The following CCT2 variants were observed in gnomAD, a reference collection of about 807,000 sequenced individuals.
CCT2 encodes the protein T-complex protein 1 subunit beta.
CCT2 carries 18 observed loss-of-function variants against 61.8 expected under a neutral mutation model. The ratio of observed to expected loss-of-function variants is 0.29; its 90% CI spans 0.20 to 0.43. The LOEUF (loss-of-function observed/expected upper bound fraction) is 0.43, where lower values mean the gene tolerates loss of function less well. CCT2 is among the 20% of genes least tolerant of loss of function. CCT2 has a pLI of 1.00. For synonymous variants in CCT2, 248 were observed against 215.9 expected, an observed-to-expected ratio of 1.15 and a Z score of -1.30; for missense variants, 556 against 656.9, an observed-to-expected ratio of 0.85 and a Z score of 1.68.
intron 8 of CCT2, 176 bp from the exon 9 acceptor site, chr12:69,592,800 C>T (rs1246284210): frequency 4.3e-6 from 2 of 465,458 alleles, no homozygotes; most frequent in East Asian, 8.3e-5. Flanking sequence ...TGGTGGCGCA[C>T]ACCTGTAATC....
chr12:69,598,401 G>C lies in CCT2; in HGVS notation c.1415G>C (p.Gly472Ala). ...CAGCTCAGGGCTGCTCACAGTGAAG[G>C]CAATACCACTGCTGGATTGGGTAAG... The part of the protein sequence containing the change: ...VAQLRAAHSE[G>A]NTTAGLDMRE... The change falls in exon 14 of 16, where the codon GGC becomes GCC. Residue 472 changes from glycine to alanine, a missense_variant. Around this residue, in one of 3 missense-constraint regions of CCT2, gnomAD observed 225 missense variants for 249.8 expected, o/e 0.90. Coordinates refer to ENST00000299300, the MANE Select transcript of CCT2 (RefSeq NM_006431.3). The C allele has an allele frequency of 6.3e-7, 1 of 1,596,162 alleles. No homozygotes were observed. The highest frequency in any genetic ancestry group is 1.1e-5 in the South Asian group (1 of 87,410).
intron 7 of CCT2, among the ~76,000 whole-genome samples, chr12:69,590,420 T>G (rs1026966697): frequency 1.3e-5 from 2 of 152,114 alleles, no homozygotes; most frequent in Non-Finnish European, 2.9e-5. Context: ...TCTTAAAGAG[T>G]GATAAATGAG....
At position 69,585,560 on chromosome 12, in the gene CCT2, G is replaced by C. The variant is rs770481913; in HGVS notation, c.3+36G>C. ...CTCCCCTGCCTCTTGCCCTACCCCT[G>C]CTCCGCCGTGCTCTTGCCACCCCAC... On this transcript the variant is annotated intron_variant, in intron 1 of 15. Coordinates refer to ENST00000299300, the MANE Select transcript of CCT2 (RefSeq NM_006431.3). The C allele has an allele frequency of 5.1e-6, 8 of 1,564,334 alleles. No homozygotes were observed. The African/African-American group carries it at 9.5e-5, about 19-fold the overall frequency.
Position 69,597,988 on chromosome 12 carries a change from G to C in CCT2, c.1252G>C (p.Ala418Pro). 6.2e-7 allele frequency: 1 copy of C among 1,613,776 alleles called. No homozygotes were observed. Among genetic ancestry groups the C allele is most frequent in the African/African-American group, 1.3e-5 (1 of 75,034 alleles). ...YGGGCSEMLMAHAVTQLANRT... is the reference protein window; with the variant it reads ...YGGGCSEMLMPHAVTQLANRT... ...TTTAGGCTGTTCTGAGATGTTGATG[G>C]CTCATGCTGTGACACAGCTTGCCAA... The change falls in exon 13 of 16, where the codon GCT becomes CCT. Residue 418 changes from alanine to proline, a missense_variant. Transcript: ENST00000299300.
chr12:69,596,468 G>C (rs1215069159), intron 10 of CCT2, among the ~76,000 whole-genome samples: 1 of 152,164 alleles, frequency 6.6e-6, no homozygotes, highest in African/African-American at 2.4e-5. Context: ...TGGCTGACCT[G>C]TTCAGTTTAC....
At chr12:69,600,934 G>T (rs943719370) in intron 15 of CCT2, among the ~76,000 whole-genome samples, 3 of 152,190 alleles carry the variant, frequency 2.0e-5, no homozygotes, top group Admixed American at 2.0e-4. Context: ...TCTTGTTGGT[G>T]GGGGTGTCTG....
chr12:69,589,731 A>AG (rs1241892970), intron 7 of CCT2, 44 bp downstream of exon 7: 1 of 1,445,206 alleles, frequency 6.9e-7, no homozygotes, highest in Non-Finnish European at 9.6e-7. Context: ...TTAGATGCTG[A>AG]GGGCTGAATA....
intron 2 of CCT2, 112 bp from the exon 3 acceptor site, chr12:69,586,641 C>A: frequency 1.3e-6 from 1 of 794,128 alleles, no homozygotes; most frequent in Non-Finnish European, 2.0e-6. Context: ...GCACTCCAGC[C>A]TGGGCGACAG....
At chr12:69,589,445 A>C (rs1222226301) in intron 6 of CCT2, 40 bp from the exon 7 acceptor site, 1 of 1,485,610 alleles carries the variant, frequency 6.7e-7, no homozygotes, top group Non-Finnish European at 9.4e-7. Context: ...TTTGAAAAGT[A>C]AAGTAGGGTT....
intron 7 of CCT2, 146 bp from the exon 8 acceptor site, chr12:69,591,913 T>TAGAA: frequency 2.0e-6 from 1 of 496,216 alleles, no homozygotes; most frequent in Non-Finnish European, 3.7e-6. Flanking sequence ...TGGACAAGCT[T>TAGAA]GCTTTTATGC....
Position 69,598,395 on chromosome 12 carries a change from G to GTGAA in CCT2, c.1410_1413dup (p.Gly472Ter). ...GTGGCACAGCTCAGGGCTGCTCACA[G>GTGAA]TGAAGGCAATACCACTGCTGGATTG... On this transcript the variant is annotated frameshift_variant, in exon 14 of 16. Coordinates refer to ENST00000299300, the MANE Select transcript of CCT2 (RefSeq NM_006431.3). LOFTEE classifies it high-confidence loss of function. The GTGAA allele has an allele frequency of 6.2e-7, 1 of 1,600,700 alleles. No homozygotes were observed. The highest frequency in any genetic ancestry group is 8.5e-7 in the Non-Finnish European group (1 of 1,173,600).
Position 69,598,359 on chromosome 12 carries a change from G to A in CCT2, c.1373G>A (p.Ser458Asn), listed in dbSNP as rs146372909. 5.0e-5 allele frequency: 81 copies of A among 1,604,350 alleles called. No individual in the cohort carries two copies. The highest frequency in any genetic ancestry group is 6.4e-5 in the Non-Finnish European group (75 of 1,176,044). The part of the protein sequence containing the change: ...TIIADNAGYD[S>N]ADLVAQLRAA... ...ATAGCTGACAATGCAGGCTATGACA[G>A]TGCAGACCTGGTGGCACAGCTCAGG... is the stretch of plus-strand genomic sequence containing the variant. The change falls in exon 14 of 16, where the codon AGT (serine) becomes AAT (asparagine). Residue 458 changes from serine (S) to asparagine (N), a missense_variant. Coordinates refer to ENST00000299300, the MANE Select transcript of CCT2 (RefSeq NM_006431.3).
intron 11 of CCT2, 50 bp downstream of exon 11, chr12:69,597,325 T>C (rs1593100944): frequency 1.2e-6 from 2 of 1,602,778 alleles, no homozygotes; most frequent in Non-Finnish European, 1.7e-6. Flanking sequence ...CTTGCTAGGC[T>C]CTGTTGAAGT....
In CCT2 at chr12:69,600,089, A is replaced by G. The variant is rs949915092; in HGVS notation, c.1577+85A>G. The G allele has an allele frequency of 1.0e-5, 13 of 1,248,466 alleles. No homozygotes were observed. The African/African-American group carries it at 1.7e-4, about 16-fold the overall frequency. The allele number at this position is 1,248,466 out of a possible 1,614,324, so 77.3% of individuals were successfully genotyped here. ...TTTATTTTATAATTAGAGTTAATGA[A>G]AAGCAGAGACAGTTTTGCCTGGATA... On this transcript the variant is annotated intron_variant, in intron 15 of 15. Transcript: ENST00000299300.
intron 14 of CCT2, 174 bp from the exon 15 acceptor site, chr12:69,599,689 T>G (rs938007262): frequency 1.0e-4 from 44 of 439,264 alleles, no homozygotes; most frequent in Middle Eastern, 6.2e-4. Flanking sequence ...ACCCGGCCCC[T>G]TTTAATTTTT....
intron 1 of CCT2, 47 bp downstream of exon 1, chr12:69,585,571 C>T: frequency 1.9e-6 from 3 of 1,561,768 alleles, no homozygotes; most frequent in Non-Finnish European, 2.6e-6. Context: ...CTCCGCCGTG[C>T]TCTTGCCACC....
chr12:69,589,448 G>T, intron 6 of CCT2, 37 bp from the exon 7 acceptor site: 1 of 1,501,850 alleles, frequency 6.7e-7, no homozygotes, highest in Non-Finnish European at 9.2e-7. Context: ...GAAAAGTAAA[G>T]TAGGGTTAAT....
chr12:69,592,133 A>G lies in CCT2; in HGVS notation c.724A>G (p.Thr242Ala), dbSNP rs1227096598. The change falls in exon 8 of 16, where the codon ACT becomes GCT. Residue 242 changes from threonine (T) to alanine (A), a missense_variant. Thr to Ala is a moderately conservative substitution (Grantham distance 58, BLOSUM62 0). Transcript: ENST00000299300. ...AAATGCTAAAATTCTTATTGCAAAT[A>G]CTGGTATGGATACAGACAAAATAAA... ...IENAKILIAN[T>A]GMDTDKIKIF... The G allele has an allele frequency of 1.9e-6, 3 of 1,582,234 alleles. No individual in the cohort carries two copies. The highest frequency in any genetic ancestry group is 1.7e-6 in the Non-Finnish European group (2 of 1,151,090).
At chr12:69,600,909 A>T (rs1049490681) in intron 15 of CCT2, among the ~76,000 whole-genome samples, 1 of 152,232 alleles carries the variant, frequency 6.6e-6, no homozygotes, top group Admixed American at 6.5e-5. Flanking sequence ...ATAAAAGATG[A>T]GAATAGAAGG....
Sources: gnomAD v4.1 joint callset for allele counts (sites outside exome capture counted in the v4.1 genomes callset) on GRCh38, gnomAD v4.1.1 for gene constraint, gnomAD v4.1.1 regional missense constraint, MANE v1.5 for transcripts, NCBI Gene and HGNC (gene_info 2026-07-23, HGNC 2026-07-21) for gene names.